The following NFILZ variants were observed in gnomAD, a reference collection of about 807,000 sequenced individuals.
NFILZ encodes NFIL3 like basic leucine zipper, also known as NFIL3 like protein.
At chr19:8,669,811 T>A (rs536203274) in intron 3 of NFILZ, among the ~76,000 whole-genome samples, 2 of 152,294 alleles carry the variant, frequency 1.3e-5, no homozygotes, top group South Asian at 2.1e-4. Context: ...TACTTTCCTC[T>A]CTGGGTAGTG....
intron 3 of NFILZ, among the ~76,000 whole-genome samples, chr19:8,648,447 A>G (rs1359762352): frequency 6.6e-6 from 1 of 152,132 alleles, no homozygotes; most frequent in Non-Finnish European, 1.5e-5. Context: ...GAGTGTGCTT[A>G]ATGCCTCTGA....
At chr19:8,650,590 G>T (rs2042960687) in intron 3 of NFILZ, among the ~76,000 whole-genome samples, 1 of 150,964 alleles carries the variant, frequency 6.6e-6, no homozygotes, top group Non-Finnish European at 1.5e-5. Context: ...GGAGGCGGAG[G>T]TTACAGCGAG....
chr19:8,661,044 G>C (rs111740355), intron 3 of NFILZ, among the ~76,000 whole-genome samples: 5 of 49,744 alleles, frequency 1.0e-4, no homozygotes, highest in African/African-American at 1.0e-4. Flanking sequence ...CCTCCCTTCC[G>C]TCCCCCTCCC....
At chr19:8,658,391 G>A (rs1254967536) in intron 3 of NFILZ, among the ~76,000 whole-genome samples, 3 of 152,100 alleles carry the variant, frequency 2.0e-5, no homozygotes, top group Admixed American at 1.3e-4. Flanking sequence ...ATTCAGCAGC[G>A]TAAATATTTA....
At chr19:8,663,736 G>GTATGTGTGTA (rs782229587) in intron 3 of NFILZ, among the ~76,000 whole-genome samples, 1 of 136,036 alleles carries the variant, frequency 7.4e-6, no homozygotes, top group African/African-American at 2.7e-5. Context: ...GTGTGTGTGT[G>GTATGTGTGTA]TGTGTGTGTG....
chr19:8,668,547 C>T (rs1412430666), intron 3 of NFILZ, among the ~76,000 whole-genome samples: 13 of 152,166 alleles, frequency 8.5e-5, no homozygotes, highest in Non-Finnish European at 1.2e-4. Flanking sequence ...TTCTCTATTT[C>T]CTCAGATGTA....
At chr19:8,643,871 G>A (rs782131669) in intron 3 of NFILZ, among the ~76,000 whole-genome samples, 31 of 151,924 alleles carry the variant, frequency 2.0e-4, no homozygotes, top group African/African-American at 5.8e-4. Context: ...TGTTGCTGTC[G>A]CTCTCTCTCC....
At chr19:8,650,430 G>A (rs901859181) in intron 3 of NFILZ, among the ~76,000 whole-genome samples, 42 of 151,740 alleles carry the variant, frequency 2.8e-4, no homozygotes, top group Admixed American at 1.3e-4. Context: ...CAAGGCAGGG[G>A]GATCTCCTGA....
At chr19:8,660,290 T>G (rs1380235685) in intron 3 of NFILZ, among the ~76,000 whole-genome samples, 1 of 152,096 alleles carries the variant, frequency 6.6e-6, no homozygotes, top group Admixed American at 6.6e-5. Context: ...CATTCCTTCA[T>G]TCAACAAACA....
chr19:8,646,216 T>C (rs2042938758), intron 3 of NFILZ, among the ~76,000 whole-genome samples: 1 of 152,094 alleles, frequency 6.6e-6, no homozygotes, highest in Non-Finnish European at 1.5e-5. Flanking sequence ...TTTATACTTT[T>C]AGTAGAGATG....
intron 3 of NFILZ, among the ~76,000 whole-genome samples, chr19:8,640,019 A>G (rs1161746956): frequency 1.3e-5 from 2 of 152,144 alleles, no homozygotes; most frequent in Non-Finnish European, 2.9e-5. Flanking sequence ...ATAGAGCCTC[A>G]GAGATTTGGC....
intron 3 of NFILZ, among the ~76,000 whole-genome samples, chr19:8,663,738 G>GTGTGTGTGTGTA (rs1568423351): frequency 1.7e-4 from 4 of 23,924 alleles, no homozygotes; most frequent in African/African-American, 2.6e-4. Flanking sequence ...GTGTGTGTGT[G>GTGTGTGTGTGTA]TGTGTGTGTG....
At chr19:8,647,098 G>A (rs1259979101) in intron 3 of NFILZ, among the ~76,000 whole-genome samples, 1 of 152,158 alleles carries the variant, frequency 6.6e-6, no homozygotes, top group Admixed American at 6.5e-5. Flanking sequence ...TATGTGGAAC[G>A]TGATTAGAAC....
intron 3 of NFILZ, among the ~76,000 whole-genome samples, chr19:8,654,372 C>G (rs965544830): frequency 6.6e-6 from 1 of 151,074 alleles, no homozygotes; most frequent in South Asian, 2.1e-4. Flanking sequence ...AATCCCAGCA[C>G]TTTGGGAAGC....
chr19:8,639,855 T>A (rs2042911466), intron 3 of NFILZ, among the ~76,000 whole-genome samples: 1 of 152,140 alleles, frequency 6.6e-6, no homozygotes, highest in Non-Finnish European at 1.5e-5. Flanking sequence ...CTGAGCCAGG[T>A]GGCCATTAGT....
intron 3 of NFILZ, among the ~76,000 whole-genome samples, chr19:8,646,391 G>C (rs2042939400): frequency 6.6e-6 from 1 of 152,106 alleles, no homozygotes; most frequent in South Asian, 2.1e-4. Context: ...CTGGGGCGCA[G>C]AGAGGTTAAG....
At chr19:8,650,857 C>T (rs971338380) in intron 3 of NFILZ, among the ~76,000 whole-genome samples, 3 of 152,044 alleles carry the variant, frequency 2.0e-5, no homozygotes, top group African/African-American at 2.4e-5. Context: ...TTCAACTTAG[C>T]GCATTTTCAT....
intron 3 of NFILZ, among the ~76,000 whole-genome samples, chr19:8,657,991 C>T (rs1308961585): frequency 6.6e-6 from 1 of 152,030 alleles, no homozygotes; most frequent in Non-Finnish European, 1.5e-5. Flanking sequence ...GGTGCAGGGA[C>T]TCTCCCTGGC....
At chr19:8,652,275 T>A (rs1274090434) in intron 3 of NFILZ, among the ~76,000 whole-genome samples, 1 of 152,082 alleles carries the variant, frequency 6.6e-6, no homozygotes, top group East Asian at 1.9e-4. Flanking sequence ...GCTAATTTTT[T>A]TGTACTTTTA....
Sources: gnomAD v4.1 joint callset for allele counts (sites outside exome capture counted in the v4.1 genomes callset) on GRCh38, gnomAD v4.1.1 for gene constraint, MANE v1.5 for transcripts, NCBI Gene and HGNC (gene_info 2026-07-23, HGNC 2026-07-21) for gene names.